SAMD3: variants seen among roughly 807,000 people sequenced by gnomAD.
SAMD3 encodes the protein sterile alpha motif domain containing 3.
SAMD3 carries 63 observed loss-of-function variants against 58.5 expected under a neutral mutation model. The ratio of observed to expected loss-of-function variants is 1.08; its 90% CI spans 0.88 to 1.33. The LOEUF (loss-of-function observed/expected upper bound fraction) is 1.33. Among genes scored for constraint, SAMD3 ranks in the 40% most tolerant of loss-of-function variants. The pLI, the probability that SAMD3 is intolerant of heterozygous loss-of-function variation, is 0.00. For synonymous variants in SAMD3, 220 were observed against 210.3 expected, an observed-to-expected ratio of 1.05 and a Z score of -0.40; for missense variants, 604 against 608.4, an observed-to-expected ratio of 0.99 and a Z score of 0.08.
At chr6:130,324,370 A>G (rs1236703504) in intron 1 of SAMD3, among the ~76,000 whole-genome samples, 1 of 152,246 alleles carries the variant, frequency 6.6e-6, no homozygotes, top group Non-Finnish European at 1.5e-5. Context: ...TGAGTATGTT[A>G]ACTGTGATTG....
At chr6:130,224,435 AAAAGC>A (rs10599942), upstream of SAMD3, among the ~76,000 whole-genome samples, 6,535 of 151,998 alleles carry the variant, frequency 0.043, 451 homozygotes, top group African/African-American at 0.15. Context: ...CTCCCGTATC[AAAAGC>A]AAAGCACAGA....
chr6:130,307,728 A>T (rs1775955642), intron 2 of SAMD3, among the ~76,000 whole-genome samples: 1 of 152,232 alleles, frequency 6.6e-6, no homozygotes, highest in Non-Finnish European at 1.5e-5. Context: ...ATAAGCTTTT[A>T]AAAGCTTTGG....
intron 2 of SAMD3, among the ~76,000 whole-genome samples, chr6:130,247,512 C>A (rs1030188491): frequency 1.3e-5 from 2 of 149,382 alleles, no homozygotes; most frequent in South Asian, 2.1e-4. Context: ...TAAGATGGGA[C>A]AATCTAACCA....
At chr6:130,259,581 T>C (rs577700603) in intron 2 of SAMD3, among the ~76,000 whole-genome samples, 80 of 152,286 alleles carry the variant, frequency 5.3e-4, no homozygotes, top group African/African-American at 1.9e-3. Context: ...TAGAAACACA[T>C]AAATGATCAA....
intron 8 of SAMD3, chr6:130,162,106 A>C: frequency 1.8e-6 from 1 of 547,242 alleles, no homozygotes. Context: ...AACTTGAGTT[A>C]AAGCCAAACA....
In SAMD3 at chr6:130,221,964, A is replaced by C. The variant is rs557462248; in HGVS notation, c.-68+730T>G. On this transcript the variant is annotated intron_variant, in intron 1 of 11. Coordinates refer to ENST00000439090, the MANE Select transcript of SAMD3 (RefSeq NM_001017373.4). ...ATACCATCTTCATTTATTCCATTGGAAAAGGTGAAAATTAGCAAGAATGCA... is the reference window on the plus strand; with the variant it reads ...ATACCATCTTCATTTATTCCATTGGCAAAGGTGAAAATTAGCAAGAATGCA... Among the ~76,000 whole-genome samples, 149 of 152,348 alleles carry C rather than the reference A, an allele frequency of 9.8e-4. 2 individuals are homozygous for C. The highest frequency in any genetic ancestry group is 3.3e-3 in the African/African-American group (137 of 41,574).
chr6:130,255,217 A>T (rs1218741900), intron 2 of SAMD3, among the ~76,000 whole-genome samples: 2 of 152,176 alleles, frequency 1.3e-5, no homozygotes, highest in East Asian at 3.8e-4. Context: ...GTGGTCTAAG[A>T]TATGATCTAT....
At chr6:130,248,083 T>C (rs187707618) in intron 2 of SAMD3, among the ~76,000 whole-genome samples, 7 of 152,330 alleles carry the variant, frequency 4.6e-5, no homozygotes, top group Admixed American at 2.0e-4. Context: ...TTAAGATTCA[T>C]ACATCTGCTT....
At chr6:130,261,083 C>CTTTGGT (rs373073217) in intron 2 of SAMD3, among the ~76,000 whole-genome samples, 3 of 149,292 alleles carry the variant, frequency 2.0e-5, no homozygotes, top group Non-Finnish European at 3.0e-5. Context: ...TTTATTGGCA[C>CTTTGGT]TTTGGTTTTG....
chr6:130,200,088 C>A lies in SAMD3; in HGVS notation c.383+9407G>T, dbSNP rs1008518800. Reference sequence around the variant, plus strand: ...CTCGGGAGTCTTTGGGGCCCTAATTCATCAAAAACAAAGCAGAAAAAAAAA... The same window carrying A: ...CTCGGGAGTCTTTGGGGCCCTAATTAATCAAAAACAAAGCAGAAAAAAAAA... On this transcript the variant is annotated intron_variant, in intron 5 of 11. Transcript: ENST00000439090. Among the ~76,000 whole-genome samples, 2 of 151,862 alleles carry A rather than the reference C, an allele frequency of 1.3e-5. 1 individual carries two copies. Among genetic ancestry groups the A allele is most frequent in the Admixed American group, 1.3e-4 (2 of 15,232 alleles).
intron 2 of SAMD3, among the ~76,000 whole-genome samples, chr6:130,291,814 C>T (rs533771282): frequency 6.6e-6 from 1 of 152,206 alleles, no homozygotes; most frequent in East Asian, 1.9e-4. Context: ...ATGGGTTCTC[C>T]TTCAGCGACA....
At chr6:130,343,367 T>A (rs1359026981) in intron 1 of SAMD3, among the ~76,000 whole-genome samples, 1 of 152,044 alleles carries the variant, frequency 6.6e-6, no homozygotes, top group African/African-American at 2.4e-5. Flanking sequence ...AGTACAAAAA[T>A]AACATACTGA....
At chr6:130,301,134 G>T (rs1368210249) in intron 2 of SAMD3, among the ~76,000 whole-genome samples, 1 of 152,062 alleles carries the variant, frequency 6.6e-6, no homozygotes, top group Non-Finnish European at 1.5e-5. Flanking sequence ...CCATGTCCCT[G>T]CAAAGGACAC....
chr6:130,144,438 A>T lies in SAMD3; in HGVS notation c.*82T>A. 7.3e-7 allele frequency: 1 copy of T among 1,376,504 alleles called. No homozygotes were observed. The allele number at this position is 1,376,504 out of a possible 1,614,324, so 85.3% of individuals were successfully genotyped here. On this transcript the variant is annotated 3_prime_UTR_variant, in exon 12 of 12. Coordinates refer to ENST00000439090, the MANE Select transcript of SAMD3 (RefSeq NM_001017373.4). ...AGATGATTTTCTCATACCTACCTCT[A>T]CCACAACCCTAAATCAAAACAATTT...
At chr6:130,245,327 A>C (rs1480237061) in intron 2 of SAMD3, among the ~76,000 whole-genome samples, 1 of 152,242 alleles carries the variant, frequency 6.6e-6, no homozygotes, top group African/African-American at 2.4e-5. Flanking sequence ...TTATTTCAAC[A>C]TGACACTTTT....
At chr6:130,161,015 C>T (rs533825643) in intron 8 of SAMD3, 82 of 150,970 alleles carry the variant, frequency 5.4e-4, no homozygotes, top group African/African-American at 1.9e-3. Context: ...CTTAAGAATT[C>T]ATGCATATGT....
At chr6:130,232,945 AAGCT>A (rs1294946834) in intron 2 of SAMD3, among the ~76,000 whole-genome samples, 1 of 152,198 alleles carries the variant, frequency 6.6e-6, no homozygotes, top group African/African-American at 2.4e-5. Context: ...GATGTGGTAC[AAGCT>A]TCAGGTCATT....
At chr6:130,190,909 C>G (rs535360318) in intron 5 of SAMD3, among the ~76,000 whole-genome samples, 8 of 151,928 alleles carry the variant, frequency 5.3e-5, no homozygotes, top group Non-Finnish European at 1.2e-4. Context: ...TTGCTTGACA[C>G]TATAATCATG....
At position 130,194,464 on chromosome 6, in the gene SAMD3, T is replaced by C. The variant is rs200881408; in HGVS notation, c.384-9841A>G. Among the ~76,000 whole-genome samples the C allele has an allele frequency of 8.5e-5, 13 of 152,302 alleles. No homozygotes were observed. The East Asian group carries it at 2.5e-3, about 29-fold the overall frequency. ...CAACAGGATTTAATTAACCTCACCTTCAAGGTGTACAATAATAGAAAAAAG... is the reference window on the plus strand; with the variant it reads ...CAACAGGATTTAATTAACCTCACCTCCAAGGTGTACAATAATAGAAAAAAG... On this transcript the variant is annotated intron_variant, in intron 5 of 11. Coordinates refer to ENST00000439090, the MANE Select transcript of SAMD3 (RefSeq NM_001017373.4).
Sources: allele counts gnomAD v4.1 joint callset (sites outside exome capture counted in the v4.1 genomes callset), GRCh38; gene constraint gnomAD v4.1.1; transcripts MANE v1.5; gene names NCBI Gene and HGNC (gene_info 2026-07-23, HGNC 2026-07-21).